SLC4A3: variants seen among roughly 807,000 people sequenced by gnomAD.
SLC4A3 encodes the protein anion exchange protein 3.
Under a neutral mutation model 114.2 loss-of-function variants are expected in SLC4A3, and 47 were observed. The ratio of observed to expected loss-of-function variants is 0.41; its 90% CI spans 0.33 to 0.52. SLC4A3 has a LOEUF of 0.52. SLC4A3 is among the 20% of genes least tolerant of loss of function. The pLI, the probability that SLC4A3 is intolerant of heterozygous loss-of-function variation, is 0.21. For synonymous variants in SLC4A3, 693 were observed against 710.3 expected (o/e 0.98, Z 0.39); for missense variants, 1,312 against 1,668.3 (o/e 0.79, Z 3.72).
chr2:219,628,455 G>A lies in SLC4A3; in HGVS notation c.102G>A (p.Glu34=). Reference sequence around the variant, plus strand: ...CTCTAAGTCCAGACGTGGAGGAGGAGGACGATGACTTGGGCAAGACCTTGG... The same window carrying A: ...CTCTAAGTCCAGACGTGGAGGAGGAAGACGATGACTTGGGCAAGACCTTGG... The part of the protein sequence containing the change: ...EPPLSPDVEE[E]DDDLGKTLAV... The change falls in exon 3 of 23, where the codon GAG becomes GAA. Residue 34 remains glutamate, a synonymous_variant. Transcript: ENST00000358055. The surrounding 1 kb of genome is among the most constrained non-coding windows in gnomAD (Gnocchi z 4.8). The A allele has an allele frequency of 1.9e-6, 3 of 1,613,764 alleles. No individual in the cohort carries two copies. The highest frequency in any genetic ancestry group is 2.5e-6 in the Non-Finnish European group (3 of 1,179,878).
chr2:219,632,393 C>G lies in SLC4A3; in HGVS notation c.1092C>G (p.Ala364=), dbSNP rs1042462829. 1.2e-6 allele frequency: 2 copies of G among 1,612,484 alleles called. No homozygotes were observed. The highest frequency in any genetic ancestry group is 1.7e-6 in the Non-Finnish European group (2 of 1,179,194). ...AGCGCTGGGGGAAGCCCCATGTTGC[C>G]TCGCTCTCCTTCCGTAGCCTTCTGG... ...ETERWGKPHV[A]SLSFRSLLEL... Residue 364 remains alanine, a synonymous_variant, in exon 8 of 23, where the codon GCC becomes GCG. Transcript: ENST00000358055.
At position 219,638,273 on chromosome 2, in the gene SLC4A3, T is replaced by A. The variant is rs1699200628; in HGVS notation, c.2856+20T>A. 1.9e-6 allele frequency: 3 copies of A among 1,569,862 alleles called. No individual in the cohort carries two copies. Among genetic ancestry groups the A allele is most frequent in the Middle Eastern group, 3.4e-4 (2 of 5,968 alleles). On this transcript the variant is annotated intron_variant, in intron 18 of 22. Coordinates refer to ENST00000358055, the MANE Select transcript of SLC4A3 (RefSeq NM_005070.4). The surrounding 1 kb of genome is among the most constrained non-coding windows in gnomAD (Gnocchi z 7.5). ...ACGCAGGTGAGGGAGCCCCAGCCTG[T>A]GGCAGCTGCTGTCACCCCCAGGCCA...
rs1200152408 is a variant in SLC4A3 at position 219,635,878 on chromosome 2, C to T, written c.2178C>T (p.Phe726=). The T allele has an allele frequency of 2.4e-5, 36 of 1,520,044 alleles. No individual in the cohort carries two copies. The highest frequency in any genetic ancestry group is 6.8e-5 in the Admixed American group (3 of 44,086). The allele number at this position is 1,520,044 out of a possible 1,614,324, so 94.2% of individuals were successfully genotyped here. Residue 726 remains phenylalanine (F), a synonymous_variant, in exon 14 of 23, where the codon TTC becomes TTT. Transcript: ENST00000358055. ...CAGCCCTCAGCCCTGCCATCACCTT[C>T]GGGGGGCTGCTGGGTAAGGGACTGG... The part of the protein sequence containing the change: ...YFAALSPAIT[F]GGLLGEKTEG...
intron 10 of SLC4A3, 28 bp from the exon 11 acceptor site, chr2:219,633,852 C>T (rs1699026388): frequency 6.4e-7 from 1 of 1,551,932 alleles, no homozygotes; most frequent in African/African-American, 1.4e-5. Context: ...GTCTGGGTCC[C>T]AGCCCTATTC....
At position 219,631,281 on chromosome 2, in the gene SLC4A3, C is replaced by T; in HGVS notation, c.812-687C>T. 7.7e-7 allele frequency: 1 copy of T among 1,297,760 alleles called. No individual in the cohort carries two copies. The highest frequency in any genetic ancestry group is 1.0e-6 in the Non-Finnish European group (1 of 984,156). 80.4% of individuals were successfully genotyped at this position (1,297,760 alleles called of 1,614,324 possible). A position where few individuals can be genotyped will look rare whatever the true frequency, so the allele number is the denominator to read the frequency against. On this transcript the variant is annotated intron_variant, in intron 6 of 22. Transcript: ENST00000358055. The surrounding 1 kb of genome is among the most constrained non-coding windows in gnomAD (Gnocchi z 6.3). The stretch of plus-strand genomic sequence containing the variant: ...GAAGGACCCTGAGCCCAATGGGGCA[C>T]TGAGCCCTGGGCCTGGGGATACCAA...
chr2:219,629,501 GGCCTGTGTGA>G, intron 4 of SLC4A3, 69 bp from the exon 5 acceptor site: 4 of 1,591,746 alleles, frequency 2.5e-6, no homozygotes, highest in Non-Finnish European at 3.4e-6. Context: ...GCGTGTTGGG[GGCCTGTGTGA>G]GGCTGGGTAG....
Position 219,627,844 on chromosome 2 carries a change from G to T in SLC4A3, c.-93-56G>T, listed in dbSNP as rs1698767694. On this transcript the variant is annotated intron_variant, in intron 1 of 22. Coordinates refer to ENST00000358055, the MANE Select transcript of SLC4A3 (RefSeq NM_005070.4). ...GCGCTTGGGCCGGGAGCGTGCATCC[G>T]GCTCCCGGGTGGGGGGCGCCAGCGC... 17 of 610,898 alleles carry T rather than the reference G, an allele frequency of 2.8e-5. No individual in the cohort carries two copies. The South Asian group carries it at 3.4e-4, about 12-fold the overall frequency. 37.8% of individuals were successfully genotyped at this position (610,898 alleles called of 1,614,324 possible).
chr2:219,628,630 C>A lies in SLC4A3; in HGVS notation c.217+60C>A. Reference sequence around the variant, plus strand: ...TCGCCACCATCACCTTCATCGCCACCATCACCGCGCTCACCTCCGGCTTGG... The same window carrying A: ...TCGCCACCATCACCTTCATCGCCACAATCACCGCGCTCACCTCCGGCTTGG... On this transcript the variant is annotated intron_variant, in intron 3 of 22. Transcript: ENST00000358055. This position sits in a 1 kb window ranked among gnomAD's most constrained non-coding sequence, Gnocchi z 4.8. The A allele has an allele frequency of 1.3e-6, 2 of 1,548,158 alleles. No individual in the cohort carries two copies. Among genetic ancestry groups the A allele is most frequent in the South Asian group, 1.1e-5 (1 of 88,304 alleles).
rs763712226 is a variant in SLC4A3, at chr2:219,639,628, T to C, written c.3170T>C (p.Val1057Ala). ...GCCACGGTCCGCTCCGTCACCCATG[T>C]CAATGCGTTGACAGTGATGCGTACT... ...TAATVRSVTHVNALTVMRTAI... is the reference protein window; with the variant it reads ...TAATVRSVTHANALTVMRTAI... Residue 1057 changes from valine to alanine, a missense_variant, in exon 20 of 23, where the codon GTC becomes GCC. Val to Ala is a moderately conservative substitution (Grantham distance 64). Coordinates refer to ENST00000358055, the MANE Select transcript of SLC4A3 (RefSeq NM_005070.4). This position sits in a 1 kb window ranked among gnomAD's most constrained non-coding sequence, Gnocchi z 5.9. The C allele has an allele frequency of 6.2e-7, 1 of 1,613,914 alleles. No homozygotes were observed. Among genetic ancestry groups the C allele is most frequent in the East Asian group, 2.2e-5 (1 of 44,882 alleles).
Position 219,631,860 on chromosome 2 carries a change from G to T in SLC4A3, c.812-108G>T. The T allele has an allele frequency of 8.1e-7, 1 of 1,240,408 alleles. No individual in the cohort carries two copies. Among genetic ancestry groups the T allele is most frequent in the Non-Finnish European group, 1.1e-6 (1 of 886,176 alleles). The allele number at this position is 1,240,408 out of a possible 1,614,324, so 76.8% of individuals were successfully genotyped here. A position where few individuals can be genotyped will look rare whatever the true frequency, so the allele number is the denominator to read the frequency against. On this transcript the variant is annotated intron_variant, in intron 6 of 22. Transcript: ENST00000358055. The surrounding 1 kb of genome is among the most constrained non-coding windows in gnomAD (Gnocchi z 6.3). ...GTGGTTCCCGTCGGCATGGCCTGTTGGTGACTGTAGAGCTCACCAAGTAGA... is the reference window on the plus strand; with the variant it reads ...GTGGTTCCCGTCGGCATGGCCTGTTTGTGACTGTAGAGCTCACCAAGTAGA...
rs532581802 is a variant in SLC4A3 at position 219,631,844 on chromosome 2, G to A, written c.812-124G>A. ...GGCCACATGGGATTATGTGGTTCCC[G>A]TCGGCATGGCCTGTTGGTGACTGTA... On this transcript the variant is annotated intron_variant, in intron 6 of 22. Transcript: ENST00000358055. This position sits in a 1 kb window ranked among gnomAD's most constrained non-coding sequence, Gnocchi z 6.3. The A allele has an allele frequency of 1.6e-4, 167 of 1,073,796 alleles. 1 individual carries two copies. The African/African-American group carries it at 2.2e-3, about 14-fold the overall frequency. The allele number at this position is 1,073,796 out of a possible 1,614,324, so 66.5% of individuals were successfully genotyped here. A position where few individuals can be genotyped will look rare whatever the true frequency, so the allele number is the denominator to read the frequency against.
rs774780857 is a variant in SLC4A3, at chr2:219,637,761, A to C, written c.2716A>C (p.Ile906Leu). The change falls in exon 17 of 23, where the codon ATA becomes CTA. Residue 906 changes from isoleucine to leucine, a missense_variant. Physicochemically the swap from Ile to Leu is conservative, Grantham distance 5. This residue lies in a region of SLC4A3 where 301 missense variants were observed against 460.7 expected (regional missense o/e 0.65). Coordinates refer to ENST00000358055, the MANE Select transcript of SLC4A3 (RefSeq NM_005070.4). This position sits in a 1 kb window ranked among gnomAD's most constrained non-coding sequence, Gnocchi z 4.6. ...SLILMLGTFF[I>L]AFFLRKFRNS... is the part of the protein sequence containing the mutation. ...CATCCTCATGCTCGGGACCTTCTTC[A>C]TAGCCTTCTTCCTGCGCAAGTTCAG... is the stretch of plus-strand genomic sequence containing the variant. 6.2e-7 allele frequency: 1 copy of C among 1,613,738 alleles called. No homozygotes were observed. The highest frequency in any genetic ancestry group is 1.7e-5 in the Admixed American group (1 of 59,988).
intron 11 of SLC4A3, 141 bp from the exon 12 acceptor site, chr2:219,634,279 G>T: frequency 2.5e-6 from 2 of 800,648 alleles, no homozygotes; most frequent in Non-Finnish European, 4.0e-6. Context: ...ACACATAAGC[G>T]AATAGTGCCC....
Position 219,629,227 on chromosome 2 carries a change from A to G in SLC4A3, c.301A>G (p.Thr101Ala). The G allele has an allele frequency of 1.2e-6, 2 of 1,612,336 alleles. No homozygotes were observed. Among genetic ancestry groups the G allele is most frequent in the Non-Finnish European group, 1.7e-6 (2 of 1,179,614 alleles). Residue 101 changes from threonine to alanine, a missense_variant, in exon 4 of 23, where the codon ACC (threonine) becomes GCC (alanine). This residue lies in a region of SLC4A3 where 236 missense variants were observed against 212.1 expected (regional missense o/e 1.11). Transcript: ENST00000358055. ...PPHKLRRLPP[T>A]SARHTRRKRK... ...CCACAAGCTGCGGCGGCTGCCCCCC[A>G]CCTCTGCCCGGCACACCAGGAGAAA...
rs1364018077 is a variant in SLC4A3 at position 219,630,769 on chromosome 2, C to T, written c.811+417C>T. Among the ~76,000 whole-genome samples the T allele has an allele frequency of 6.6e-6, 1 of 152,166 alleles. No homozygotes were observed. Among genetic ancestry groups the T allele is most frequent in the African/African-American group, 2.4e-5 (1 of 41,446 alleles). On this transcript the variant is annotated intron_variant, in intron 6 of 22. Transcript: ENST00000358055. The surrounding 1 kb of genome is among the most constrained non-coding windows in gnomAD (Gnocchi z 6.9). Reference sequence around the variant, plus strand: ...GTGTCAGGACCCTTCACTCCCATCCCACTACCCTTGGGGGGGGCCTGGCTG... The same window carrying T: ...GTGTCAGGACCCTTCACTCCCATCCTACTACCCTTGGGGGGGGCCTGGCTG...
Position 219,635,488 on chromosome 2 carries a change from C to T in SLC4A3, c.1964C>T (p.Pro655Leu). ...ACCACACGGGGTGGCTACACGGCCC[C>T]TGGGAAAGGTCAGACCCTTGGAGGC... ...EMTTRGGYTA[P>L]GKELSLELGG... The change falls in exon 13 of 23, where the codon CCT becomes CTT. Residue 655 changes from proline to leucine, a missense_variant. Coordinates refer to ENST00000358055, the MANE Select transcript of SLC4A3 (RefSeq NM_005070.4). 2 of 1,609,306 alleles carry T rather than the reference C, an allele frequency of 1.2e-6. No individual in the cohort carries two copies. Among genetic ancestry groups the T allele is most frequent in the Non-Finnish European group, 1.7e-6 (2 of 1,177,602 alleles).
rs570690274 is a variant in SLC4A3, at chr2:219,639,966, G to A, written c.3277+231G>A. ...TTTTTTTGAGACGGAGTCTCGCTCT[G>A]TCACCCAGGCTGGAGTGCAGTGGCG... On this transcript the variant is annotated intron_variant, in intron 20 of 22. Transcript: ENST00000358055. The surrounding 1 kb of genome is among the most constrained non-coding windows in gnomAD (Gnocchi z 5.9). 5.9e-5 allele frequency among the ~76,000 whole-genome samples: 9 copies of A among 152,026 alleles called. No homozygotes were observed. The highest frequency in any genetic ancestry group is 5.9e-4 in the Admixed American group (9 of 15,272).
chr2:219,628,106 G>A lies in SLC4A3; in HGVS notation c.51+63G>A. Reference sequence around the variant, plus strand: ...AGGAGAGGGGAGGGACCTTAGGGTGGGCAGAGGAGTCCTCTGGCCGACCCC... The same window carrying A: ...AGGAGAGGGGAGGGACCTTAGGGTGAGCAGAGGAGTCCTCTGGCCGACCCC... On this transcript the variant is annotated intron_variant, in intron 2 of 22. Coordinates refer to ENST00000358055, the MANE Select transcript of SLC4A3 (RefSeq NM_005070.4). The surrounding 1 kb of genome is among the most constrained non-coding windows in gnomAD (Gnocchi z 4.8). 1.5e-6 allele frequency: 2 copies of A among 1,338,136 alleles called. No individual in the cohort carries two copies. Among genetic ancestry groups the A allele is most frequent in the Non-Finnish European group, 2.0e-6 (2 of 998,118 alleles). 82.9% of individuals were successfully genotyped at this position (1,338,136 alleles called of 1,614,324 possible).
chr2:219,630,075 G>A lies in SLC4A3; in HGVS notation c.612-78G>A, dbSNP rs934556007. On this transcript the variant is annotated intron_variant, in intron 5 of 22. Coordinates refer to ENST00000358055, the MANE Select transcript of SLC4A3 (RefSeq NM_005070.4). The surrounding 1 kb of genome is among the most constrained non-coding windows in gnomAD (Gnocchi z 6.9). ...TCATGCTCAGGGTCTACTCCAGGCCGTGCTCTGAGCTGAGGGACGGTGATG... is the reference window on the plus strand; with the variant it reads ...TCATGCTCAGGGTCTACTCCAGGCCATGCTCTGAGCTGAGGGACGGTGATG... The A allele has an allele frequency of 1.8e-5, 28 of 1,573,588 alleles. 1 individual carries two copies. Among genetic ancestry groups the A allele is most frequent in the South Asian group, 9.5e-5 (8 of 84,154 alleles).
Sources: gnomAD v4.1 joint callset for allele counts (sites outside exome capture counted in the v4.1 genomes callset) on GRCh38, gnomAD v4.1.1 for gene constraint, gnomAD v4.1.1 regional missense constraint, Gnocchi (gnomAD v3.1) non-coding constraint, MANE v1.5 for transcripts, NCBI Gene and HGNC (gene_info 2026-07-23, HGNC 2026-07-21) for gene names.